ZNF100: variants seen among roughly 807,000 people sequenced by gnomAD.
The protein encoded by ZNF100 is zinc finger protein 100.
Under a neutral mutation model 15.8 loss-of-function variants are expected in ZNF100, and 12 were observed. The observed-to-expected ratio is 0.76, with a 90% CI of 0.49 to 1.23. The LOEUF (loss-of-function observed/expected upper bound fraction) is 1.23. Ranked by LOEUF, ZNF100 falls within the 50% of genes most tolerant of loss-of-function variation. The pLI, the probability that ZNF100 is intolerant of heterozygous loss-of-function variation, is 0.00. For synonymous variants in ZNF100, 226 were observed against 214.8 expected (o/e 1.05, Z -0.45); for missense variants, 670 against 635.6 (o/e 1.05, Z -0.58).
At chr19:21,763,566 G>A (rs1466576992) in intron 2 of ZNF100, among the ~76,000 whole-genome samples, 2 of 152,006 alleles carry the variant, frequency 1.3e-5, no homozygotes, top group East Asian at 3.9e-4. Flanking sequence ...CTTCAGCCTG[G>A]CGACAGAGTA....
At position 21,756,637 on chromosome 19, in the gene ZNF100, T is replaced by G. The variant is rs372007994; in HGVS notation, c.96+9057A>C. On this transcript the variant is annotated intron_variant, in intron 2 of 4. Coordinates refer to ENST00000358296, the MANE Select transcript of ZNF100 (RefSeq NM_173531.4). ...ATTTTATGCCATGGATAGAAAAGAT[T>G]AGCATCACTAAAATGTCAAAACTAC... Among the ~76,000 whole-genome samples the G allele has an allele frequency of 3.9e-5, 6 of 152,292 alleles. 1 individual carries two copies. In the South Asian group the frequency reaches 1.0e-3, roughly 26 times the overall value.
chr19:21,754,575 G>C (rs2036362572), intron 2 of ZNF100, among the ~76,000 whole-genome samples: 1 of 152,082 alleles, frequency 6.6e-6, no homozygotes, highest in South Asian at 2.1e-4. Flanking sequence ...GGGGAAACTG[G>C]CTAGCCATAT....
intron 2 of ZNF100, among the ~76,000 whole-genome samples, chr19:21,761,368 C>G (rs2036481019): frequency 6.6e-6 from 1 of 152,146 alleles, no homozygotes; most frequent in Non-Finnish European, 1.5e-5. Flanking sequence ...TCTTTTACAA[C>G]AGGACACAAT....
At chr19:21,743,947 T>G (rs1156911229) in intron 4 of ZNF100, 70 bp downstream of exon 4, 2 of 1,462,958 alleles carry the variant, frequency 1.4e-6, no homozygotes, top group Non-Finnish European at 1.8e-6. Flanking sequence ...AACCACATTT[T>G]AATGACCAGC....
intron 2 of ZNF100, among the ~76,000 whole-genome samples, chr19:21,764,406 G>C (rs540848282): frequency 6.6e-6 from 1 of 152,208 alleles, no homozygotes; most frequent in South Asian, 2.1e-4. Context: ...CACTTCGGGA[G>C]GCCAAGGCGG....
Position 21,725,335 on chromosome 19 carries a change from A to G in ZNF100, c.*1348T>C, listed in dbSNP as rs915514616. On this transcript the variant is annotated 3_prime_UTR_variant, in exon 5 of 5. Transcript: ENST00000358296. ...ATCTGAAATTTAAAAAATATACTGCATTTTATATAAAAGTATTAGTAAAAT... is the reference window on the plus strand; with the variant it reads ...ATCTGAAATTTAAAAAATATACTGCGTTTTATATAAAAGTATTAGTAAAAT... 2.0e-5 allele frequency: 3 copies of G among 152,152 alleles called. No individual in the cohort carries two copies. The highest frequency in any genetic ancestry group is 4.4e-5 in the Non-Finnish European group (3 of 68,016). 9.4% of individuals were successfully genotyped at this position (152,152 alleles called of 1,614,324 possible).
intron 4 of ZNF100, among the ~76,000 whole-genome samples, chr19:21,731,173 C>G (rs908401575): frequency 2.6e-5 from 4 of 152,040 alleles, no homozygotes; most frequent in Admixed American, 6.5e-5. Flanking sequence ...AAAAAGTAGA[C>G]TAATAAAATA....
intron 4 of ZNF100, among the ~76,000 whole-genome samples, chr19:21,738,284 A>C (rs1321253703): frequency 1.8e-5 from 2 of 113,888 alleles, no homozygotes; most frequent in African/African-American, 3.1e-5. Flanking sequence ...AAAAAAAAAA[A>C]AAAAAACTGA....
Position 21,725,848 on chromosome 19 carries a change from C to T in ZNF100, c.*835G>A, listed in dbSNP as rs1261725072. On this transcript the variant is annotated 3_prime_UTR_variant, in exon 5 of 5. Transcript: ENST00000358296. The stretch of plus-strand genomic sequence containing the variant: ...AGCATCAGTGCCTTACATATTTCTA[C>T]TGTAAATTCTCTGATATTTACAGAC... 1 of 150,952 alleles carries T rather than the reference C, an allele frequency of 6.6e-6. No homozygotes were observed. Among genetic ancestry groups the T allele is most frequent in the Non-Finnish European group, 1.5e-5 (1 of 67,920 alleles). The allele number at this position is 150,952 out of a possible 1,614,324, so 9.4% of individuals were successfully genotyped here.
rs2035730196 is a variant in ZNF100, at chr19:21,724,123, CAG to C, written c.*2558_*2559del. 6.6e-6 allele frequency: 1 copy of C among 152,044 alleles called. No individual in the cohort carries two copies. Among genetic ancestry groups the C allele is most frequent in the Non-Finnish European group, 1.5e-5 (1 of 67,972 alleles). 9.4% of individuals were successfully genotyped at this position (152,044 alleles called of 1,614,324 possible). A position where few individuals can be genotyped will look rare whatever the true frequency, so the allele number is the denominator to read the frequency against. ...ATCATGAGTACCAGGCAAGTATAAA[CAG>C]AATTTTCATGGGGAGATTCAGAACT... On this transcript the variant is annotated 3_prime_UTR_variant, in exon 5 of 5. Transcript: ENST00000358296.
chr19:21,729,548 C>T (rs1407047213), intron 4 of ZNF100, among the ~76,000 whole-genome samples: 1 of 151,440 alleles, frequency 6.6e-6, no homozygotes, highest in African/African-American at 2.4e-5. Flanking sequence ...TGCACATGTA[C>T]CCTAGAACTT....
At chr19:21,728,573 G>C (rs16998303) in intron 4 of ZNF100, among the ~76,000 whole-genome samples, 7,649 of 152,052 alleles carry the variant, frequency 0.05, 206 homozygotes, top group African/African-American at 0.074. Context: ...TTAACTAAAA[G>C]AGAAAGACAA....
chr19:21,753,455 T>C (rs2036343009), intron 2 of ZNF100: 1 of 152,164 alleles, frequency 6.6e-6, no homozygotes, highest in Non-Finnish European at 1.5e-5. Context: ...TGGTGGCGTA[T>C]GTCTGTAGTC....
chr19:21,731,663 T>C (rs180807601), intron 4 of ZNF100, among the ~76,000 whole-genome samples: 2 of 152,276 alleles, frequency 1.3e-5, no homozygotes, highest in East Asian at 3.9e-4. Flanking sequence ...ATAAAAATAC[T>C]GGAATATCAT....
Position 21,762,940 on chromosome 19 carries a change from A to G in ZNF100, c.96+2754T>C, listed in dbSNP as rs111920906. ...TGAGATAAAACCCTCCAAAACCAAG[A>G]TGGTGATGAGTGTGACCTCTGGTCA... On this transcript the variant is annotated intron_variant, in intron 2 of 4. Transcript: ENST00000358296. 4.6e-3 allele frequency among the ~76,000 whole-genome samples: 693 copies of G among 152,224 alleles called. 3 individuals carry two copies. The highest frequency in any genetic ancestry group is 0.014 in the African/African-American group (585 of 41,554).
At chr19:21,735,710 A>C (rs1195158901) in intron 4 of ZNF100, among the ~76,000 whole-genome samples, 1 of 152,164 alleles carries the variant, frequency 6.6e-6, no homozygotes, top group African/African-American at 2.4e-5. Flanking sequence ...ACCAACAAAG[A>C]TCAAAAAAGA....
chr19:21,744,807 C>A (rs1315368283), intron 3 of ZNF100, 134 bp downstream of exon 3: 10 of 1,389,998 alleles, frequency 7.2e-6, no homozygotes, highest in South Asian at 4.1e-5. Context: ...CTTTTCCACA[C>A]ACAGCCTCAA....
At chr19:21,740,328 TTACA>T (rs534587375) in intron 4 of ZNF100, among the ~76,000 whole-genome samples, 250 of 152,184 alleles carry the variant, frequency 1.6e-3, no homozygotes, top group Non-Finnish European at 3.0e-3. Context: ...AATAAAATAC[TTACA>T]TAAAAAAACT....
Position 21,726,816 on chromosome 19 carries a change from G to C in ZNF100, c.1496C>G (p.Thr499Ser), listed in dbSNP as rs1182041910. The change falls in exon 5 of 5, where the codon ACC becomes AGC. Residue 499 changes from threonine to serine, a missense_variant. Transcript: ENST00000358296. ...ATGAGTTATCTTATGTTTAGTAAGG[G>C]TTGAGGATCGGTTAAAAGCTTTGCC... Reference protein sequence around the residue: ...ECGKAFNRSSTLTKHKITHTG... With the variant: ...ECGKAFNRSSSLTKHKITHTG... 1 of 1,613,502 alleles carries C rather than the reference G, an allele frequency of 6.2e-7. No individual in the cohort carries two copies. The highest frequency in any genetic ancestry group is 1.3e-5 in the African/African-American group (1 of 74,800).
Sources: allele counts gnomAD v4.1 joint callset (sites outside exome capture counted in the v4.1 genomes callset), GRCh38; gene constraint gnomAD v4.1.1; transcripts MANE v1.5; gene names NCBI Gene and HGNC (gene_info 2026-07-23, HGNC 2026-07-21).